Variants in PPARG observed in about 807,000 individuals in gnomAD.
PPARG encodes the protein peroxisome proliferator activated receptor gamma.
A neutral mutation model predicts 39.2 loss-of-function variants in PPARG; 17 were observed. The ratio of observed to expected loss-of-function variants is 0.43; its 90% CI spans 0.30 to 0.65. The LOEUF is 0.65. Ranked by LOEUF, PPARG falls within the 30% of genes least tolerant of loss-of-function variation. The pLI, the probability that PPARG is intolerant of heterozygous loss-of-function variation, is 0.13. For synonymous variants in PPARG, 223 were observed against 215.7 expected (o/e 1.03, Z -0.30); for missense variants, 406 against 585.9 (o/e 0.69, Z 3.17).
intron 2 of PPARG, among the ~76,000 whole-genome samples, chr3:12,313,725 C>G (rs2047313110): frequency 1.3e-5 from 2 of 152,050 alleles, no homozygotes; most frequent in Admixed American, 6.6e-5. Flanking sequence ...GAAAGAGCTC[C>G]CAGTGGCCAA....
At chr3:12,297,595 C>T (rs954868170) in intron 1 of PPARG, among the ~76,000 whole-genome samples, 2 of 151,978 alleles carry the variant, frequency 1.3e-5, no homozygotes, top group Non-Finnish European at 2.9e-5. Flanking sequence ...TATTGGACTT[C>T]CCTGTACATT....
intron 2 of PPARG, among the ~76,000 whole-genome samples, chr3:12,345,267 C>T (rs775664428): frequency 2.0e-5 from 3 of 152,196 alleles, no homozygotes; most frequent in Admixed American, 6.5e-5. Flanking sequence ...AGCAAAATGA[C>T]TCCGTGAACT....
chr3:12,384,421 A>G (rs1374546415), intron 4 of PPARG, among the ~76,000 whole-genome samples: 2 of 152,114 alleles, frequency 1.3e-5, no homozygotes, highest in Non-Finnish European at 2.9e-5. Context: ...TCCTAAATGG[A>G]TGATGGGTCG....
intron 2 of PPARG, among the ~76,000 whole-genome samples, chr3:12,333,888 C>A (rs1559497253): frequency 1.3e-5 from 2 of 152,196 alleles, no homozygotes; most frequent in Non-Finnish European, 2.9e-5. Flanking sequence ...AGGCCCCCAT[C>A]TTCTGTGAAG....
rs148037954 is a variant in PPARG, at chr3:12,381,361, C to T, written c.260C>T (p.Ser87Phe). Residue 87 changes from serine to phenylalanine, a missense_variant, in exon 4 of 8, where the codon TCT (serine) becomes TTT (phenylalanine). Coordinates refer to ENST00000651735, the MANE Select transcript of PPARG (RefSeq NM_138711.6). ...KVEPASPPYY[S>F]EKTQLYNKPH... ...GAGCCTGCATCTCCACCTTATTATT[C>T]TGAGAAGACTCAGCTCTACAATAAG... 13 of 1,613,212 alleles carry T rather than the reference C, an allele frequency of 8.1e-6. No homozygotes were observed. The highest frequency in any genetic ancestry group is 1.1e-5 in the Non-Finnish European group (13 of 1,179,648).
At chr3:12,328,285 C>G (rs1243482985) in intron 2 of PPARG, 8 of 1,368,144 alleles carry the variant, frequency 5.8e-6, no homozygotes, top group Non-Finnish European at 6.1e-6. Context: ...TAGGGAGCCT[C>G]TCTGGGAAGC....
intron 1 of PPARG, among the ~76,000 whole-genome samples, chr3:12,308,614 T>A (rs890161073): frequency 6.6e-6 from 1 of 152,222 alleles, no homozygotes; most frequent in Non-Finnish European, 1.5e-5. Context: ...CTTATTACTT[T>A]ACATTGCTGA....
intron 1 of PPARG, among the ~76,000 whole-genome samples, chr3:12,304,371 T>C (rs1326029763): frequency 6.6e-6 from 1 of 152,252 alleles, no homozygotes; most frequent in African/African-American, 2.4e-5. Context: ...ACAGCTAGAA[T>C]GATCATAGGT....
At chr3:12,322,937 G>A (rs1224870638) in intron 2 of PPARG, among the ~76,000 whole-genome samples, 1 of 151,980 alleles carries the variant, frequency 6.6e-6, no homozygotes, top group Non-Finnish European at 1.5e-5. Flanking sequence ...AATTAGCTGG[G>A]ACTATAGGCA....
At chr3:12,405,529 AAG>A (rs1391970069) in intron 5 of PPARG, among the ~76,000 whole-genome samples, 1 of 152,240 alleles carries the variant, frequency 6.6e-6, no homozygotes, top group East Asian at 1.9e-4. Flanking sequence ...TGGGGATACA[AAG>A]AAGGTGACCT....
At chr3:12,424,572 G>A (rs1315702245) in intron 7 of PPARG, among the ~76,000 whole-genome samples, 1 of 152,188 alleles carries the variant, frequency 6.6e-6, no homozygotes, top group African/African-American at 2.4e-5. Flanking sequence ...CAGCCTTCCA[G>A]ACTGGCACAG....
chr3:12,326,333 A>G (rs569654991), intron 2 of PPARG, among the ~76,000 whole-genome samples: 7 of 152,340 alleles, frequency 4.6e-5, no homozygotes, highest in African/African-American at 1.7e-4. Flanking sequence ...GATACACAAT[A>G]TGCGTTTTCC....
chr3:12,383,088 G>A (rs536111391), intron 4 of PPARG, among the ~76,000 whole-genome samples: 8 of 152,250 alleles, frequency 5.3e-5, no homozygotes, highest in African/African-American at 1.9e-4. Flanking sequence ...AGTGAAAAGG[G>A]ACAAACCAGA....
At chr3:12,409,044 G>A (rs551860365) in intron 6 of PPARG, among the ~76,000 whole-genome samples, 1 of 152,326 alleles carries the variant, frequency 6.6e-6, no homozygotes, top group East Asian at 1.9e-4. Flanking sequence ...CGAAATGCTT[G>A]ATTATGGGCT....
chr3:12,362,794 TTTTGTTTGTTTA>T (rs1289513033), intron 2 of PPARG, among the ~76,000 whole-genome samples: 1 of 151,992 alleles, frequency 6.6e-6, no homozygotes, highest in African/African-American at 2.4e-5. Context: ...ACTCTAGGAT[TTTTGTTTGTTTA>T]TTTGTTTGTT....
chr3:12,330,384 G>T (rs1400354116), intron 2 of PPARG, among the ~76,000 whole-genome samples: 2 of 150,184 alleles, frequency 1.3e-5, no homozygotes, highest in Non-Finnish European at 3.0e-5. Context: ...TTTCCTAATG[G>T]CTGCTGATGT....
intron 7 of PPARG, among the ~76,000 whole-genome samples, chr3:12,427,899 A>G (rs1380810946): frequency 6.6e-6 from 1 of 152,190 alleles, no homozygotes; most frequent in South Asian, 2.1e-4. Flanking sequence ...CTGCAATCAC[A>G]TTTGTTTTGT....
intron 2 of PPARG, among the ~76,000 whole-genome samples, chr3:12,339,454 T>C (rs1306229575): frequency 6.6e-6 from 1 of 152,226 alleles, no homozygotes; most frequent in African/African-American, 2.4e-5. Context: ...TGGTGAACTT[T>C]ATGCTATGTA....
chr3:12,408,567 CTTTT>C (rs397945616), intron 6 of PPARG, among the ~76,000 whole-genome samples: 15 of 113,258 alleles, frequency 1.3e-4, no homozygotes, highest in Admixed American at 1.9e-4. Context: ...CTTTTCTTTT[CTTTT>C]TTTTTTTTTT....
Sources: gnomAD v4.1 joint callset for allele counts (sites outside exome capture counted in the v4.1 genomes callset) on GRCh38, gnomAD v4.1.1 for gene constraint, MANE v1.5 for transcripts, NCBI Gene and HGNC (gene_info 2026-07-23, HGNC 2026-07-21) for gene names.